KLHL29: variants seen among roughly 807,000 people sequenced by gnomAD.
The protein encoded by KLHL29 is kelch like family member 29.
In KLHL29, 21 loss-of-function variants were observed where a neutral mutation model predicts 80.4. That is an observed-to-expected ratio of 0.26 (90% CI 0.19 to 0.38). The LOEUF (loss-of-function observed/expected upper bound fraction) is 0.38, where lower values mean the gene tolerates loss of function less well. KLHL29 is among the 10% of genes least tolerant of loss of function. The probability of loss-of-function intolerance (pLI) is 1.00; values close to 1 mark genes in which losing one functional copy is unlikely to be tolerated. For missense variants in KLHL29, 867 were observed against 1,223.9 expected (o/e 0.71, Z 4.35); for synonymous variants, 511 against 526.8 (o/e 0.97, Z 0.41).
chr2:23,618,813 C>G (rs1669089573), intron 3 of KLHL29, among the ~76,000 whole-genome samples: 1 of 152,162 alleles, frequency 6.6e-6, no homozygotes, highest in Admixed American at 6.5e-5. Context: ...TTTCCTGAAC[C>G]CATAGCTTGA....
chr2:23,613,510 G>A (rs1258450687), intron 3 of KLHL29, among the ~76,000 whole-genome samples: 4 of 152,012 alleles, frequency 2.6e-5, no homozygotes, highest in Admixed American at 6.5e-5. Context: ...TCGTGCCTGT[G>A]ATCCCAGCAC....
chr2:23,580,837 G>A (rs1207592825), intron 3 of KLHL29, among the ~76,000 whole-genome samples: 2 of 129,114 alleles, frequency 1.5e-5, no homozygotes, highest in African/African-American at 5.7e-5. Context: ...AATTAGCTTA[G>A]CGTGGTGGCA....
chr2:23,606,095 G>A (rs1668715261), intron 3 of KLHL29, among the ~76,000 whole-genome samples: 1 of 151,914 alleles, frequency 6.6e-6, no homozygotes, highest in South Asian at 2.1e-4. Context: ...TAAAGGACAA[G>A]TGAGAGTATG....
At chr2:23,396,724 A>G (rs1323698877) in intron 1 of KLHL29, among the ~76,000 whole-genome samples, 1 of 152,166 alleles carries the variant, frequency 6.6e-6, no homozygotes. Context: ...CGAAAGGAAC[A>G]TATTTCTTGC....
At chr2:23,673,990 A>G (rs1159357898) in intron 5 of KLHL29, among the ~76,000 whole-genome samples, 2 of 152,136 alleles carry the variant, frequency 1.3e-5, no homozygotes, top group Admixed American at 1.3e-4. Context: ...CTCACACCTC[A>G]GCCTGTGTTC....
intron 2 of KLHL29, among the ~76,000 whole-genome samples, chr2:23,493,193 G>T (rs989101970): frequency 1.3e-5 from 2 of 152,124 alleles, no homozygotes; most frequent in Admixed American, 6.5e-5. Context: ...AAATAGCATT[G>T]CCCTTTCCTG....
At chr2:23,487,423 CTT>C (rs1664964162) in intron 2 of KLHL29, among the ~76,000 whole-genome samples, 1 of 152,176 alleles carries the variant, frequency 6.6e-6, no homozygotes, top group African/African-American at 2.4e-5. Context: ...CCAAGGGACA[CTT>C]TGCAGCCTCT....
intron 13 of KLHL29, among the ~76,000 whole-genome samples, chr2:23,705,812 A>T (rs1170865969): frequency 6.6e-6 from 1 of 152,230 alleles, no homozygotes; most frequent in African/African-American, 2.4e-5. Flanking sequence ...CAGTGCAAAG[A>T]AGTAGCTGAA....
intron 1 of KLHL29, among the ~76,000 whole-genome samples, chr2:23,388,802 T>C (rs1009701024): frequency 6.6e-6 from 1 of 152,028 alleles, no homozygotes; most frequent in African/African-American, 2.4e-5. Flanking sequence ...AATACTAATG[T>C]CATTTTTTGG....
At position 23,552,840 on chromosome 2, in the gene KLHL29, A is replaced by C. The variant is rs557903835; in HGVS notation, c.-45-9312A>C. Among the ~76,000 whole-genome samples, 8 of 141,626 alleles carry C rather than the reference A, an allele frequency of 5.6e-5. No individual in the cohort carries two copies. The South Asian group carries it at 1.8e-3, about 31-fold the overall frequency. 92.9% of individuals were successfully genotyped at this position (141,626 alleles called of 152,430 possible). Reference sequence around the variant, plus strand: ...AATGGCACAATCTCGGCTCACTGCAACCTCCGCCTCCCAGGTTCAAGCGAT... The same window carrying C: ...AATGGCACAATCTCGGCTCACTGCACCCTCCGCCTCCCAGGTTCAAGCGAT... On this transcript the variant is annotated intron_variant, in intron 2 of 13. Coordinates refer to ENST00000486442, the MANE Select transcript of KLHL29 (RefSeq NM_052920.2).
chr2:23,485,446 C>T (rs578231320), intron 2 of KLHL29, among the ~76,000 whole-genome samples: 15 of 152,320 alleles, frequency 9.8e-5, no homozygotes, highest in South Asian at 6.2e-4. Flanking sequence ...CAGAGGGTGA[C>T]GCACTGACCC....
intron 5 of KLHL29, among the ~76,000 whole-genome samples, chr2:23,650,368 C>CAT (rs35795466): frequency 6.6e-6 from 1 of 152,008 alleles, no homozygotes; most frequent in Non-Finnish European, 1.5e-5. Context: ...CACACACACA[C>CAT]GTGTGCACAC....
chr2:23,593,827 A>C (rs1668328039), intron 3 of KLHL29, among the ~76,000 whole-genome samples: 1 of 152,204 alleles, frequency 6.6e-6, no homozygotes, highest in Non-Finnish European at 1.5e-5. Context: ...CATTTTACAC[A>C]TAAGAGGTGG....
At chr2:23,534,623 A>G (rs1216658274) in intron 2 of KLHL29, among the ~76,000 whole-genome samples, 17 of 152,058 alleles carry the variant, frequency 1.1e-4, no homozygotes, top group Admixed American at 1.1e-3. Flanking sequence ...CTCCAGCTAC[A>G]CTGAGCTGCC....
At chr2:23,676,065 G>A (rs1001552338) in intron 5 of KLHL29, among the ~76,000 whole-genome samples, 1 of 152,202 alleles carries the variant, frequency 6.6e-6, no homozygotes, top group African/African-American at 2.4e-5. Flanking sequence ...ACATTCCTCT[G>A]TAATAAGGCA....
intron 1 of KLHL29, among the ~76,000 whole-genome samples, chr2:23,434,883 TGA>T: frequency 6.6e-6 from 1 of 152,082 alleles, no homozygotes; most frequent in South Asian, 2.1e-4. Flanking sequence ...TGTCAAAGCC[TGA>T]GAGGGGGTGG....
chr2:23,627,697 A>G (rs1669352491), intron 3 of KLHL29, among the ~76,000 whole-genome samples: 2 of 148,456 alleles, frequency 1.3e-5, no homozygotes, highest in East Asian at 4.1e-4. Context: ...TAGGTGTCTA[A>G]TAAGGTCGCT....
intron 5 of KLHL29, among the ~76,000 whole-genome samples, chr2:23,665,707 G>T (rs1464990380): frequency 6.6e-6 from 1 of 152,180 alleles, no homozygotes; most frequent in Non-Finnish European, 1.5e-5. Flanking sequence ...GCATCACAAG[G>T]TGAGGGCAGA....
chr2:23,592,398 T>C (rs1281753816), intron 3 of KLHL29, among the ~76,000 whole-genome samples: 1 of 152,228 alleles, frequency 6.6e-6, no homozygotes. Flanking sequence ...TGAGCTCTGC[T>C]TCCTGGAGCT....
Sources: gnomAD v4.1 joint callset for allele counts (sites outside exome capture counted in the v4.1 genomes callset) on GRCh38, gnomAD v4.1.1 for gene constraint, MANE v1.5 for transcripts, NCBI Gene and HGNC (gene_info 2026-07-23, HGNC 2026-07-21) for gene names.